Variants in PCLO observed in about 807,000 individuals in gnomAD.
PCLO encodes the protein protein piccolo.
In PCLO, 82 loss-of-function variants were observed where a neutral mutation model predicts 427.5. That is an observed-to-expected ratio of 0.19 (90% CI 0.16 to 0.23). The LOEUF (loss-of-function observed/expected upper bound fraction) is 0.23. PCLO is among the 10% of genes least tolerant of loss of function. The pLI is 1.00. For missense variants in PCLO, 6,239 were observed against 6,115.9 expected (o/e 1.02, Z -0.67); for synonymous variants, 2,357 against 2,155.4 (o/e 1.09, Z -2.59).
At chr7:82,822,714 A>G (rs757899482) in intron 19 of PCLO, 25 bp from the exon 20 acceptor site, 1 of 1,603,626 alleles carries the variant, frequency 6.2e-7, no homozygotes, top group African/African-American at 1.3e-5. Flanking sequence ...GTAAAACATG[A>G]GTTAAAGTTG....
intron 3 of PCLO, among the ~76,000 whole-genome samples, chr7:83,014,073 G>A (rs1322354636): frequency 6.6e-6 from 1 of 152,048 alleles, no homozygotes; most frequent in East Asian, 1.9e-4. Flanking sequence ...CATCCATTCT[G>A]GCTAGCTTTA....
chr7:82,863,589 T>C (rs1290294268), intron 10 of PCLO, among the ~76,000 whole-genome samples: 2 of 151,958 alleles, frequency 1.3e-5, no homozygotes, highest in African/African-American at 4.8e-5. Context: ...GTGTATACAA[T>C]ATCCTGCAAT....
intron 3 of PCLO, among the ~76,000 whole-genome samples, chr7:83,063,342 A>G (rs541391212): frequency 6.6e-6 from 1 of 152,152 alleles, no homozygotes; most frequent in South Asian, 2.1e-4. Context: ...TCTTTTGTTA[A>G]TTCCTGAAAA....
intron 3 of PCLO, among the ~76,000 whole-genome samples, chr7:82,985,452 T>C (rs1240047351): frequency 1.3e-5 from 2 of 152,048 alleles, no homozygotes; most frequent in Non-Finnish European, 2.9e-5. Context: ...TGGAGAGCCA[T>C]ATGTTTTAAT....
rs774630228 is a variant in PCLO at position 83,155,837 on chromosome 7, G to A, written c.804C>T (p.Asp268=). 8.1e-6 allele frequency: 13 copies of A among 1,613,800 alleles called. No homozygotes were observed. The highest frequency in any genetic ancestry group is 1.3e-5 in the African/African-American group (1 of 74,892). ...CTCGTTGAAGTGGCAATTTTGCATGGTCTGTCTGAGGAGTCTGGGTAGGAC... is the reference window on the plus strand; with the variant it reads ...CTCGTTGAAGTGGCAATTTTGCATGATCTGTCTGAGGAGTCTGGGTAGGAC... ...IQGPTQTPQT[D]HAKLPLQRDA... is the part of the protein sequence containing the mutation. The change falls in exon 2 of 25, where the codon GAC becomes GAT. Residue 268 remains aspartate (D), a synonymous_variant. Coordinates refer to ENST00000333891, the MANE Select transcript of PCLO (RefSeq NM_033026.6).
Position 82,966,206 on chromosome 7 carries a change from T to G in PCLO, c.3582A>C (p.Lys1194Asn). ...CTTTCTCTAGTTTACTCTCTTCTTG[T>G]TTTTGATCTGTGGTTACCATAGGAG... ...KIPPMVTTDQ[K>N]QEESKLEKDK... Residue 1194 changes from lysine (K) to asparagine (N), a missense_variant, in exon 4 of 25, where the codon AAA (lysine) becomes AAC (asparagine). Coordinates refer to ENST00000333891, the MANE Select transcript of PCLO (RefSeq NM_033026.6). 6.2e-7 allele frequency: 1 copy of G among 1,611,182 alleles called. No homozygotes were observed. The highest frequency in any genetic ancestry group is 1.1e-5 in the South Asian group (1 of 90,382).
At chr7:83,107,717 G>GTA (rs2116510555) in intron 3 of PCLO, among the ~76,000 whole-genome samples, 1 of 22,202 alleles carries the variant, frequency 4.5e-5, no homozygotes, top group Admixed American at 4.4e-4. Flanking sequence ...GAGAATATGT[G>GTA]CGGTGGCTCA....
intron 7 of PCLO, among the ~76,000 whole-genome samples, chr7:82,914,182 A>G (rs1794389261): frequency 6.6e-6 from 1 of 152,102 alleles, no homozygotes; most frequent in African/African-American, 2.4e-5. Flanking sequence ...TCTCAAAAAT[A>G]GAAAATCTTC....
chr7:82,868,863 T>C (rs1244513099), intron 10 of PCLO, among the ~76,000 whole-genome samples: 2 of 152,210 alleles, frequency 1.3e-5, no homozygotes, highest in Non-Finnish European at 2.9e-5. Flanking sequence ...ATAATATAGA[T>C]ACAAGTTATC....
intron 9 of PCLO, among the ~76,000 whole-genome samples, chr7:82,893,219 T>C (rs1246779183): frequency 2.0e-5 from 3 of 152,038 alleles, no homozygotes; most frequent in Non-Finnish European, 4.4e-5. Context: ...GTGGCACATA[T>C]ACACCATGGA....
At chr7:83,138,700 C>T (rs1440302867) in intron 2 of PCLO, among the ~76,000 whole-genome samples, 1 of 151,436 alleles carries the variant, frequency 6.6e-6, no homozygotes, top group African/African-American at 2.4e-5. Context: ...CTGATGGAGG[C>T]TATATAACAA....
chr7:82,998,878 G>C (rs902828626), intron 3 of PCLO, among the ~76,000 whole-genome samples: 1 of 151,770 alleles, frequency 6.6e-6, no homozygotes, highest in Non-Finnish European at 1.5e-5. Flanking sequence ...GCAATGATCA[G>C]ACTGGAGATT....
At chr7:83,024,158 G>A (rs886385978) in intron 3 of PCLO, among the ~76,000 whole-genome samples, 7 of 152,212 alleles carry the variant, frequency 4.6e-5, no homozygotes, top group Admixed American at 1.3e-4. Context: ...GAGCGACGCA[G>A]AAGACGGGTG....
In PCLO at chr7:82,771,166, G is replaced by A. The variant is rs141240133; in HGVS notation, c.15008-9673C>T. On this transcript the variant is annotated intron_variant, in intron 22 of 24. Coordinates refer to ENST00000333891, the MANE Select transcript of PCLO (RefSeq NM_033026.6). ...AAGTTCAGCTTGGATAAATTAGCCT[G>A]CTTATACAATGAAAATTGTATGAAA... Among the ~76,000 whole-genome samples the A allele has an allele frequency of 1.6e-3, 237 of 151,902 alleles. 5 individuals carry two copies. In the East Asian group the frequency reaches 0.038, roughly 25 times the overall value.
intron 10 of PCLO, among the ~76,000 whole-genome samples, chr7:82,854,222 G>A (rs1211726088): frequency 2.0e-5 from 3 of 151,772 alleles, no homozygotes; most frequent in South Asian, 4.2e-4. Context: ...CTTTTCTCTC[G>A]GCATTGTTAC....
rs1790760932 is a variant in PCLO at position 82,776,807 on chromosome 7, T to C, written c.15008-15314A>G. 4.1e-5 allele frequency among the ~76,000 whole-genome samples: 5 copies of C among 121,840 alleles called. No homozygotes were observed. In the South Asian group the frequency reaches 1.4e-3, roughly 35 times the overall value. 79.9% of individuals were successfully genotyped at this position (121,840 alleles called of 152,430 possible). A position where few individuals can be genotyped will look rare whatever the true frequency, so the allele number is the denominator to read the frequency against. Reference sequence around the variant, plus strand: ...GAGACTCCATCTCTCTCTTTCTCTCTCTCTTTCTCTCTCTCTCTCTCTATA... The same window carrying C: ...GAGACTCCATCTCTCTCTTTCTCTCCCTCTTTCTCTCTCTCTCTCTCTATA... On this transcript the variant is annotated intron_variant, in intron 22 of 24. Transcript: ENST00000333891.
intron 22 of PCLO, among the ~76,000 whole-genome samples, chr7:82,762,615 G>C (rs1213238959): frequency 2.0e-5 from 3 of 150,188 alleles, no homozygotes; most frequent in African/African-American, 7.4e-5. Context: ...AAATTGAAAA[G>C]TAGATATTTA....
intron 3 of PCLO, among the ~76,000 whole-genome samples, chr7:83,092,900 T>C (rs992636693): frequency 1.4e-5 from 2 of 144,604 alleles, no homozygotes; most frequent in Admixed American, 7.3e-5. Context: ...TGAGCCAAGA[T>C]TGCGCCACTG....
At chr7:83,061,408 T>C (rs1457104026) in intron 3 of PCLO, among the ~76,000 whole-genome samples, 8 of 152,318 alleles carry the variant, frequency 5.3e-5, no homozygotes, top group African/African-American at 1.9e-4. Flanking sequence ...GGATAATCTT[T>C]AAAGTCCACT....
Sources: gnomAD v4.1 joint callset for allele counts (sites outside exome capture counted in the v4.1 genomes callset) on GRCh38, gnomAD v4.1.1 for gene constraint, MANE v1.5 for transcripts, NCBI Gene and HGNC (gene_info 2026-07-23, HGNC 2026-07-21) for gene names.